Variants in RAB27B observed in about 807,000 individuals in gnomAD.
RAB27B encodes RAB27B, member RAS oncogene family.
Under a neutral mutation model 24.6 loss-of-function variants are expected in RAB27B, and 15 were observed. That is an observed-to-expected ratio of 0.61 (90% CI 0.41 to 0.94). The LOEUF (loss-of-function observed/expected upper bound fraction) is 0.94, where lower values mean the gene tolerates loss of function less well. Among genes scored for constraint, RAB27B ranks in the 40% least tolerant of loss-of-function variants. The pLI, the probability that RAB27B is intolerant of heterozygous loss-of-function variation, is 0.00. For missense variants in RAB27B, 261 were observed against 266.8 expected (o/e 0.98, Z 0.15); for synonymous variants, 105 against 92.5 (o/e 1.14, Z -0.78).
chr18:54,749,970 T>C (rs1050004299), intron 2 of RAB27B, among the ~76,000 whole-genome samples: 1 of 152,204 alleles, frequency 6.6e-6, no homozygotes, highest in African/African-American at 2.4e-5. Flanking sequence ...AGCTTTTAAA[T>C]ATACCTACTG....
At chr18:54,749,114 T>G (rs921383373) in intron 2 of RAB27B, among the ~76,000 whole-genome samples, 1 of 152,184 alleles carries the variant, frequency 6.6e-6, no homozygotes, top group Non-Finnish European at 1.5e-5. Context: ...TTCTTCTTCC[T>G]TGGTGTGATC....
chr18:54,878,332 A>T (rs1423326777), intron 2 of RAB27B, among the ~76,000 whole-genome samples: 2 of 152,170 alleles, frequency 1.3e-5, no homozygotes, highest in Non-Finnish European at 2.9e-5. Flanking sequence ...AGGAATAAGG[A>T]TATTGTGACA....
At chr18:54,728,968 T>A (rs974387754) in intron 2 of RAB27B, among the ~76,000 whole-genome samples, 5 of 142,150 alleles carry the variant, frequency 3.5e-5, no homozygotes, top group Non-Finnish European at 7.7e-5. Flanking sequence ...AATTTTTGTT[T>A]AAAAATTAGT....
At chr18:54,804,942 C>CTTTCTTTT in intron 2 of RAB27B, among the ~76,000 whole-genome samples, 1 of 120,616 alleles carries the variant, frequency 8.3e-6, no homozygotes. Flanking sequence ...TTCTTTCTTT[C>CTTTCTTTT]TTTCTTTCTT....
intron 2 of RAB27B, among the ~76,000 whole-genome samples, chr18:54,878,574 T>C (rs1912798341): frequency 1.3e-5 from 2 of 152,182 alleles, no homozygotes; most frequent in South Asian, 4.1e-4. Flanking sequence ...CATGGTTGTG[T>C]AGGCTTAGCA....
At chr18:54,750,575 T>A (rs1276907580) in intron 2 of RAB27B, among the ~76,000 whole-genome samples, 1 of 152,084 alleles carries the variant, frequency 6.6e-6, no homozygotes, top group Admixed American at 6.6e-5. Flanking sequence ...AAGGACACAG[T>A]AAACCCAACA....
intron 2 of RAB27B, among the ~76,000 whole-genome samples, chr18:54,774,772 T>C (rs1908663414): frequency 6.6e-6 from 1 of 152,242 alleles, no homozygotes; most frequent in Admixed American, 6.5e-5. Context: ...TTTTCTTTTT[T>C]CTTGGTCATT....
rs1908864041 is a variant in RAB27B at position 54,780,235 on chromosome 18, C to CT, written c.-20+62095dup. Among the ~76,000 whole-genome samples the CT allele has an allele frequency of 6.8e-5, 9 of 131,780 alleles. 1 individual carries two copies. The Admixed American group carries it at 7.0e-4, about 10-fold the overall frequency. 86.5% of individuals were successfully genotyped at this position (131,780 alleles called of 152,430 possible). ...ACCGTGTCTCCCCTCTCCAGACAAC[C>CT]TCCCCCTCACTATGTCTCCGCTGTC... On this transcript the variant is annotated intron_variant, in intron 2 of 4. Transcript: ENST00000586570.
chr18:54,784,783 C>G (rs1029310977), intron 2 of RAB27B, among the ~76,000 whole-genome samples: 8 of 152,136 alleles, frequency 5.3e-5, no homozygotes, highest in Non-Finnish European at 1.2e-4. Context: ...CATATGAATG[C>G]AGGTGTCTTT....
chr18:54,762,445 C>A (rs1363376911), intron 2 of RAB27B, among the ~76,000 whole-genome samples: 1 of 152,134 alleles, frequency 6.6e-6, no homozygotes, highest in Admixed American at 6.5e-5. Context: ...TAATTTTCTA[C>A]GGCAGCCCTG....
Position 54,728,009 on chromosome 18 carries a change from G to C in RAB27B, c.-20+9868G>C, listed in dbSNP as rs144289798. ...CGGCAGGTTTGAAGGTCTCTGCAAG[G>C]GCTCTGAAAAGTGGATAAGAATAAG... On this transcript the variant is annotated intron_variant, in intron 2 of 4. Transcript: ENST00000586570. 5.0e-3 allele frequency among the ~76,000 whole-genome samples: 760 copies of C among 152,244 alleles called. 7 individuals carry two copies. Among genetic ancestry groups the C allele is most frequent in the African/African-American group, 0.017 (715 of 41,528 alleles).
At chr18:54,859,991 C>A (rs1032808244) in intron 1 of RAB27B, among the ~76,000 whole-genome samples, 3 of 152,076 alleles carry the variant, frequency 2.0e-5, no homozygotes, top group Non-Finnish European at 4.4e-5. Context: ...TTCTATACCA[C>A]CTTTGTTCTG....
At chr18:54,763,991 T>C (rs1908279557) in intron 2 of RAB27B, among the ~76,000 whole-genome samples, 1 of 152,214 alleles carries the variant, frequency 6.6e-6, no homozygotes, top group Non-Finnish European at 1.5e-5. Flanking sequence ...ATCTCTCTGC[T>C]AGCTCTGACA....
chr18:54,803,549 G>A (rs915299148), intron 2 of RAB27B, among the ~76,000 whole-genome samples: 2 of 152,144 alleles, frequency 1.3e-5, no homozygotes, highest in Admixed American at 1.3e-4. Context: ...CTGGCTTCTG[G>A]GTGGAGGGGG....
At chr18:54,868,547 C>T (rs948763592) in intron 1 of RAB27B, among the ~76,000 whole-genome samples, 4 of 152,148 alleles carry the variant, frequency 2.6e-5, no homozygotes, top group African/African-American at 9.7e-5. Flanking sequence ...TTTGGCATTG[C>T]ACACATTTAT....
intron 2 of RAB27B, among the ~76,000 whole-genome samples, chr18:54,719,041 G>T (rs1221601763): frequency 8.6e-6 from 1 of 116,946 alleles, no homozygotes; most frequent in African/African-American, 2.5e-5. Flanking sequence ...TTCATGGTAA[G>T]ATAAACATGT....
At chr18:54,853,432 T>C (rs957495402) in intron 1 of RAB27B, among the ~76,000 whole-genome samples, 8 of 152,174 alleles carry the variant, frequency 5.3e-5, no homozygotes, top group Non-Finnish European at 1.0e-4. Context: ...GGACTTGCTT[T>C]ATGTATATAT....
At position 54,889,677 on chromosome 18, in the gene RAB27B, GAA is replaced by G. The variant is rs1913290662; in HGVS notation, c.*267_*268del. 3.3e-6 allele frequency: 1 copy of G among 305,438 alleles called. No individual in the cohort carries two copies. Among genetic ancestry groups the G allele is most frequent in the East Asian group, 5.8e-5 (1 of 17,370 alleles). The allele number at this position is 305,438 out of a possible 1,614,324, so 18.9% of individuals were successfully genotyped here. On this transcript the variant is annotated 3_prime_UTR_variant, in exon 6 of 6. Coordinates refer to ENST00000262094, the MANE Select transcript of RAB27B (RefSeq NM_004163.4). Reference sequence around the variant, plus strand: ...TACTCAATTTGTTTTTTCTTATAGAGAAAATGAGTATATAAGACAATATACAA... The same window carrying G: ...TACTCAATTTGTTTTTTCTTATAGAGAATGAGTATATAAGACAATATACAA...
intron 3 of RAB27B, 50 bp from the exon 4 acceptor site, chr18:54,884,283 A>C: frequency 8.8e-7 from 1 of 1,130,470 alleles, no homozygotes; most frequent in Non-Finnish European, 1.3e-6. Flanking sequence ...TGTTGTTGTC[A>C]AAGATATGTG....
Sources: allele counts gnomAD v4.1 joint callset (sites outside exome capture counted in the v4.1 genomes callset), GRCh38; gene constraint gnomAD v4.1.1; transcripts MANE v1.5; gene names NCBI Gene and HGNC (gene_info 2026-07-23, HGNC 2026-07-21).